Variants in ADAM10 observed in about 807,000 individuals in gnomAD.
ADAM10 encodes disintegrin and metalloproteinase domain-containing protein 10.
A neutral mutation model predicts 90.1 loss-of-function variants in ADAM10; 17 were observed. That is an observed-to-expected ratio of 0.19 (90% CI 0.13 to 0.28). The LOEUF (loss-of-function observed/expected upper bound fraction) is 0.28, where lower values mean the gene tolerates loss of function less well. ADAM10 is among the 10% of genes least tolerant of loss of function. The pLI is 1.00. For synonymous variants in ADAM10, 310 were observed against 298.6 expected, an observed-to-expected ratio of 1.04 and a Z score of -0.40; for missense variants, 610 against 914.3, an observed-to-expected ratio of 0.67 and a Z score of 4.29.
At position 58,698,161 on chromosome 15, in the gene ADAM10, G is replaced by T. The variant is rs372871796; in HGVS notation, c.207-15847C>A. On this transcript the variant is annotated intron_variant, in intron 2 of 15. Coordinates refer to ENST00000260408, the MANE Select transcript of ADAM10 (RefSeq NM_001110.4). ...TGCAGCAATAGATTCCAATGAAAAAGAAATTTATGAGATCCCAGAAAAAGA... is the reference window on the plus strand; with the variant it reads ...TGCAGCAATAGATTCCAATGAAAAATAAATTTATGAGATCCCAGAAAAAGA... 13 of 313,878 alleles carry T rather than the reference G, an allele frequency of 4.1e-5. No homozygotes were observed. The Middle Eastern group carries it at 1.6e-3, about 39-fold the overall frequency. The allele number at this position is 313,878 out of a possible 1,614,324, so 19.4% of individuals were successfully genotyped here. A position where few individuals can be genotyped will look rare whatever the true frequency, so the allele number is the denominator to read the frequency against.
intron 1 of ADAM10, 75 bp from the exon 2 acceptor site, chr15:58,717,802 T>C (rs1382304437): frequency 5.2e-6 from 8 of 1,544,208 alleles, no homozygotes; most frequent in Non-Finnish European, 7.0e-6. Flanking sequence ...ATTATTCAAG[T>C]ATCTATGAAT....
intron 5 of ADAM10, among the ~76,000 whole-genome samples, chr15:58,656,561 G>A (rs1184910664): frequency 6.6e-6 from 1 of 152,024 alleles, no homozygotes; most frequent in Non-Finnish European, 1.5e-5. Flanking sequence ...TGACAACAGT[G>A]ATTGCATAAT....
At chr15:58,703,533 T>A (rs1283840148) in intron 2 of ADAM10, among the ~76,000 whole-genome samples, 2 of 152,208 alleles carry the variant, frequency 1.3e-5, no homozygotes, top group Non-Finnish European at 2.9e-5. Flanking sequence ...AACCAAACTC[T>A]GATTTTTGCT....
intron 2 of ADAM10, among the ~76,000 whole-genome samples, chr15:58,699,803 T>A (rs115348749): frequency 6.6e-6 from 1 of 151,762 alleles, no homozygotes; most frequent in Non-Finnish European, 1.5e-5. Flanking sequence ...CCAAAAAATA[T>A]ACAAAACAAC....
intron 11 of ADAM10, among the ~76,000 whole-genome samples, chr15:58,615,719 GAA>G (rs1289207011): frequency 6.6e-6 from 1 of 152,108 alleles, no homozygotes; most frequent in Non-Finnish European, 1.5e-5. Flanking sequence ...CAAAAACTGT[GAA>G]AAGAGGGCCA....
intron 2 of ADAM10, chr15:58,692,038 C>A: frequency 2.1e-6 from 1 of 466,142 alleles, no homozygotes; most frequent in South Asian, 1.5e-5. Context: ...GAGCATTTCC[C>A]GGGAGATGTT....
chr15:58,615,171 G>A (rs1421367112), intron 11 of ADAM10, among the ~76,000 whole-genome samples: 5 of 150,940 alleles, frequency 3.3e-5, no homozygotes, highest in African/African-American at 1.2e-4. Context: ...CTACTAGGGA[G>A]CCTGAGGCAG....
At chr15:58,612,187 A>G (rs1391334516) in intron 11 of ADAM10, among the ~76,000 whole-genome samples, 196 bp from the exon 12 acceptor site, 3 of 152,198 alleles carry the variant, frequency 2.0e-5, no homozygotes, top group Non-Finnish European at 4.4e-5. Context: ...CTGAGTAAAC[A>G]GTGCACTGGT....
At chr15:58,723,876 AAAAC>A (rs1374821619) in intron 1 of ADAM10, among the ~76,000 whole-genome samples, 10 of 152,224 alleles carry the variant, frequency 6.6e-5, no homozygotes, top group African/African-American at 2.4e-4. Flanking sequence ...AATTGAGAAG[AAAAC>A]AAACGACATT....
At position 58,597,513 on chromosome 15, in the gene ADAM10, T is replaced by C; in HGVS notation, c.*34A>G. ...TCTTTGGAGTGAAGTTTTCCCATTG[T>C]AGGCACTAGGAAGAACCAAGGCAAA... is the stretch of plus-strand genomic sequence containing the variant. On this transcript the variant is annotated 3_prime_UTR_variant, in exon 16 of 16. Transcript: ENST00000260408. 3 of 1,614,120 alleles carry C rather than the reference T, an allele frequency of 1.9e-6. No individual in the cohort carries two copies. Among genetic ancestry groups the C allele is most frequent in the East Asian group, 2.2e-5 (1 of 44,876 alleles).
At chr15:58,731,609 G>C (rs2140837985) in intron 1 of ADAM10, among the ~76,000 whole-genome samples, 1 of 152,196 alleles carries the variant, frequency 6.6e-6, no homozygotes, top group South Asian at 2.1e-4. Context: ...GCCTGAGTGA[G>C]AGAGTGAGAC....
At chr15:58,684,438 T>C (rs564387120) in intron 2 of ADAM10, among the ~76,000 whole-genome samples, 1 of 152,184 alleles carries the variant, frequency 6.6e-6, no homozygotes, top group Admixed American at 6.6e-5. Context: ...ATAAGAGCAA[T>C]GGAATTTCAG....
intron 4 of ADAM10, among the ~76,000 whole-genome samples, chr15:58,678,257 C>T (rs1236971150): frequency 2.0e-5 from 3 of 152,062 alleles, no homozygotes; most frequent in Non-Finnish European, 4.4e-5. Context: ...AGATGAAGTA[C>T]AAAAACTGTC....
chr15:58,624,692 C>G (rs1296858918), intron 10 of ADAM10, among the ~76,000 whole-genome samples: 2 of 152,132 alleles, frequency 1.3e-5, no homozygotes, highest in Non-Finnish European at 2.9e-5. Flanking sequence ...GCCACCATGC[C>G]TCACTGATTT....
At chr15:58,728,843 T>G (rs1002701935) in intron 1 of ADAM10, among the ~76,000 whole-genome samples, 1 of 152,208 alleles carries the variant, frequency 6.6e-6, no homozygotes, top group African/African-American at 2.4e-5. Flanking sequence ...CAGCCTGTAA[T>G]GATTCAATAT....
chr15:58,681,357 G>A (rs1029015468), intron 3 of ADAM10, among the ~76,000 whole-genome samples: 1 of 152,122 alleles, frequency 6.6e-6, no homozygotes, highest in Non-Finnish European at 1.5e-5. Context: ...TTCTACAAAT[G>A]AGAAAGTTTA....
chr15:58,701,626 T>C (rs1898137837), intron 2 of ADAM10, among the ~76,000 whole-genome samples: 1 of 152,198 alleles, frequency 6.6e-6, no homozygotes, highest in African/African-American at 2.4e-5. Context: ...CCGGCAATCC[T>C]GCTACTGGGT....
intron 1 of ADAM10, among the ~76,000 whole-genome samples, chr15:58,727,205 TCCCAA>T (rs1899065643): frequency 1.1e-5 from 1 of 89,150 alleles, no homozygotes; most frequent in Non-Finnish European, 2.0e-5. Flanking sequence ...TTTTTTTTTT[TCCCAA>T]AAACAGCGTT....
At chr15:58,677,958 A>G (rs934028021) in intron 4 of ADAM10, among the ~76,000 whole-genome samples, 1 of 152,166 alleles carries the variant, frequency 6.6e-6, no homozygotes. Context: ...GCAAGACACA[A>G]ACCAGGTAAA....
Sources: allele counts gnomAD v4.1 joint callset (sites outside exome capture counted in the v4.1 genomes callset), GRCh38; gene constraint gnomAD v4.1.1; transcripts MANE v1.5; gene names NCBI Gene and HGNC (gene_info 2026-07-23, HGNC 2026-07-21).